Variants in CTNNA3 observed in about 807,000 individuals in gnomAD.
CTNNA3 encodes catenin alpha 3.
In CTNNA3, 76 loss-of-function variants were observed where a neutral mutation model predicts 95.7. The ratio of observed to expected loss-of-function variants is 0.79; its 90% CI spans 0.66 to 0.96. The LOEUF is 0.96. CTNNA3 is among the 40% of genes least tolerant of loss of function. The probability of loss-of-function intolerance (pLI) is 0.00; values close to 1 mark genes in which losing one functional copy is unlikely to be tolerated. For synonymous variants in CTNNA3, 431 were observed against 374.4 expected (o/e 1.15, Z -1.74); for missense variants, 1,191 against 1,089.8 (o/e 1.09, Z -1.31).
At position 67,732,002 on chromosome 10, in the gene CTNNA3, G is replaced by A. The variant is rs115851828; in HGVS notation, c.-2+31432C>T. On this transcript the variant is annotated intron_variant, in intron 1 of 17. Transcript: ENST00000684154. ...TCAGTGTGTTGACCAGGCTGGTCTC[G>A]AACACCTAACCTTATGATCCACCCA... Among the ~76,000 whole-genome samples, 567 of 151,168 alleles carry A rather than the reference G, an allele frequency of 3.8e-3. 4 individuals carry two copies. The highest frequency in any genetic ancestry group is 0.013 in the African/African-American group (538 of 41,198).
At chr10:67,095,245 A>C (rs1282147102) in intron 7 of CTNNA3, among the ~76,000 whole-genome samples, 1 of 151,702 alleles carries the variant, frequency 6.6e-6, no homozygotes. Flanking sequence ...AGATAGAATC[A>C]ACTTTAAAAT....
intron 7 of CTNNA3, among the ~76,000 whole-genome samples, chr10:66,822,070 T>C (rs1442384914): frequency 1.3e-5 from 2 of 148,912 alleles, no homozygotes; most frequent in Non-Finnish European, 3.0e-5. Context: ...TATAATTATG[T>C]TATATAAAAT....
intron 11 of CTNNA3, among the ~76,000 whole-genome samples, chr10:66,502,969 T>TCC (rs1341592650): frequency 1.3e-5 from 2 of 152,136 alleles, no homozygotes; most frequent in African/African-American, 4.8e-5. Context: ...TAATATCTGA[T>TCC]AGTCATGCAC....
chr10:66,180,691 C>T (rs2085994100), intron 13 of CTNNA3, among the ~76,000 whole-genome samples: 1 of 152,126 alleles, frequency 6.6e-6, no homozygotes, highest in Non-Finnish European at 1.5e-5. Flanking sequence ...CAGTGCTTAT[C>T]AGTCTGAAAA....
intron 6 of CTNNA3, among the ~76,000 whole-genome samples, chr10:67,209,658 C>A (rs1351088128): frequency 1.3e-5 from 2 of 151,624 alleles, no homozygotes; most frequent in African/African-American, 4.8e-5. Flanking sequence ...TATTTTCTGA[C>A]CAAAATTCAG....
At chr10:66,777,762 T>TACAC (rs372712619) in intron 7 of CTNNA3, among the ~76,000 whole-genome samples, 16,992 of 136,798 alleles carry the variant, frequency 0.12, 1,131 homozygotes, top group Non-Finnish European at 0.14. Flanking sequence ...AGAGACCTCC[T>TACAC]ACACACACAC....
intron 13 of CTNNA3, among the ~76,000 whole-genome samples, chr10:66,198,045 A>T (rs546437095): frequency 6.6e-6 from 1 of 152,186 alleles, no homozygotes; most frequent in Non-Finnish European, 1.5e-5. Context: ...TTTGTTCCTC[A>T]GATAGAGACT....
intron 11 of CTNNA3, among the ~76,000 whole-genome samples, chr10:66,506,249 G>A (rs1362972746): frequency 6.6e-6 from 1 of 152,086 alleles, no homozygotes; most frequent in Non-Finnish European, 1.5e-5. Flanking sequence ...TTCAACACTG[G>A]GGATCCAGTT....
At chr10:66,524,522 G>A (rs1167454853) in intron 10 of CTNNA3, among the ~76,000 whole-genome samples, 2 of 152,014 alleles carry the variant, frequency 1.3e-5, no homozygotes, top group African/African-American at 4.8e-5. Context: ...TGATGGTTAT[G>A]AGGTTTGACA....
intron 9 of CTNNA3, among the ~76,000 whole-genome samples, chr10:66,648,852 T>G (rs1252197309): frequency 6.6e-6 from 1 of 152,122 alleles, no homozygotes; most frequent in Admixed American, 6.5e-5. Flanking sequence ...GGTTGGAAAT[T>G]CAGGAGAAAA....
intron 13 of CTNNA3, among the ~76,000 whole-genome samples, chr10:66,107,473 T>C (rs183937695): frequency 8.5e-5 from 13 of 152,298 alleles, no homozygotes; most frequent in Admixed American, 7.8e-4. Flanking sequence ...TTATCATTAC[T>C]GTTGCTATCT....
chr10:67,318,047 GA>G (rs1416932784), intron 5 of CTNNA3, among the ~76,000 whole-genome samples: 3 of 151,702 alleles, frequency 2.0e-5, no homozygotes, highest in Non-Finnish European at 4.4e-5. Flanking sequence ...GGATAGATGT[GA>G]GGTGTAAAGA....
intron 9 of CTNNA3, among the ~76,000 whole-genome samples, chr10:66,650,467 G>A (rs1347599104): frequency 6.6e-6 from 1 of 152,142 alleles, no homozygotes; most frequent in East Asian, 1.9e-4. Context: ...ACTATTTTGA[G>A]ATAAGTGAAA....
At chr10:66,282,904 A>G (rs1589028320) in intron 12 of CTNNA3, among the ~76,000 whole-genome samples, 1 of 151,858 alleles carries the variant, frequency 6.6e-6, no homozygotes, top group Admixed American at 6.6e-5. Context: ...AAATGAATGA[A>G]TGAATTAATT....
chr10:66,945,029 C>CCAGGATTTT (rs1206468797), intron 7 of CTNNA3, among the ~76,000 whole-genome samples: 2 of 152,040 alleles, frequency 1.3e-5, no homozygotes, highest in African/African-American at 4.8e-5. Context: ...CTTAAGGGCC[C>CCAGGATTTT]CAGGATTTTC....
At chr10:66,567,856 C>G (rs1037874991) in intron 10 of CTNNA3, among the ~76,000 whole-genome samples, 23 of 152,166 alleles carry the variant, frequency 1.5e-4, no homozygotes, top group African/African-American at 5.6e-4. Context: ...GACTCAGTGC[C>G]CCAGCACAGC....
intron 13 of CTNNA3, among the ~76,000 whole-genome samples, chr10:66,120,608 T>G (rs568025850): frequency 6.6e-6 from 1 of 152,152 alleles, no homozygotes; most frequent in African/African-American, 2.4e-5. Context: ...ATTATGATTA[T>G]AAATAATATG....
At chr10:67,460,965 T>C (rs1847352556) in intron 5 of CTNNA3, among the ~76,000 whole-genome samples, 1 of 152,140 alleles carries the variant, frequency 6.6e-6, no homozygotes, top group Non-Finnish European at 1.5e-5. Context: ...TGTGAGTTGG[T>C]GATGTATGAA....
chr10:67,602,538 T>C (rs1435987099), intron 3 of CTNNA3, among the ~76,000 whole-genome samples: 1 of 152,226 alleles, frequency 6.6e-6, no homozygotes, highest in Non-Finnish European at 1.5e-5. Context: ...GCATATGACA[T>C]GTAGAGGTAT....
Sources: gnomAD v4.1 joint callset for allele counts (sites outside exome capture counted in the v4.1 genomes callset) on GRCh38, gnomAD v4.1.1 for gene constraint, MANE v1.5 for transcripts, NCBI Gene and HGNC (gene_info 2026-07-23, HGNC 2026-07-21) for gene names.